Variants in MXRA7 observed in about 807,000 individuals in gnomAD.
MXRA7 encodes the protein matrix remodeling associated 7.
Under a neutral mutation model 17.4 loss-of-function variants are expected in MXRA7, and 18 were observed. The observed-to-expected ratio is 1.03, with a 90% CI of 0.71 to 1.53. MXRA7 has a LOEUF of 1.53. Among genes scored for constraint, MXRA7 ranks in the 40% most tolerant of loss-of-function variants. The pLI is 0.00. For synonymous variants in MXRA7, 70 were observed against 101.7 expected, an observed-to-expected ratio of 0.69 and a Z score of 1.87; for missense variants, 141 against 209.3, an observed-to-expected ratio of 0.67 and a Z score of 2.01.
At chr17:76,688,240 G>T in intron 1 of MXRA7, 64 bp from the exon 2 acceptor site, 1 of 1,604,890 alleles carries the variant, frequency 6.2e-7, no homozygotes, top group Non-Finnish European at 8.5e-7. Flanking sequence ...TGGTGGGGGG[G>T]CAGAAGGTAG....
rs2076300846 is a variant in MXRA7, at chr17:76,681,336, G to A, written c.501-457C>T. Among the ~76,000 whole-genome samples, 1 of 152,106 alleles carries A rather than the reference G, an allele frequency of 6.6e-6. No homozygotes were observed. Among genetic ancestry groups the A allele is most frequent in the Non-Finnish European group, 1.5e-5 (1 of 68,002 alleles). On this transcript the variant is annotated intron_variant, in intron 3 of 3. Coordinates refer to ENST00000449428, the MANE Select transcript of MXRA7 (RefSeq NM_198530.4). This position sits in a 1 kb window ranked among gnomAD's most constrained non-coding sequence, Gnocchi z 4.7. ...TCCAGATGGAGCCAACTGCATGCCC[G>A]TCTTTTATGAACCAAGACACACTGC... is the stretch of plus-strand genomic sequence containing the variant.
Position 76,692,262 on chromosome 17 carries a change from T to TTC in MXRA7, c.343-4087_343-4086insGA, listed in dbSNP as rs1404150608. On this transcript the variant is annotated intron_variant, in intron 1 of 3. Transcript: ENST00000449428. Reference sequence around the variant, plus strand: ...GACTTTGGAAGTCTGATTTTTTCTTTTTTTTTTTTTGAGACAGTTTCACTC... The same window carrying TTC: ...GACTTTGGAAGTCTGATTTTTTCTTTTCTTTTTTTTTTGAGACAGTTTCACTC... Among the ~76,000 whole-genome samples the TTC allele has an allele frequency of 4.4e-3, 669 of 151,736 alleles. 10 individuals are homozygous for TTC. The highest frequency in any genetic ancestry group is 0.016 in the African/African-American group (643 of 41,414).
At chr17:76,684,234 C>T (rs1038346055) in intron 3 of MXRA7, among the ~76,000 whole-genome samples, 7 of 152,184 alleles carry the variant, frequency 4.6e-5, no homozygotes, top group African/African-American at 1.4e-4. Context: ...CCCTCCTGCT[C>T]GGACCCTAGA....
At chr17:76,686,671 G>A (rs1483984551) in intron 2 of MXRA7, among the ~76,000 whole-genome samples, 4 of 152,296 alleles carry the variant, frequency 2.6e-5, no homozygotes, top group Middle Eastern at 6.8e-3. Context: ...AGAATTCAAC[G>A]TGACAGCCTC....
chr17:76,706,143 A>ACTGCCGTCACAGGGGCCCACG (rs2076653158), intron 1 of MXRA7, among the ~76,000 whole-genome samples: 1 of 54,252 alleles, frequency 1.8e-5, no homozygotes, highest in African/African-American at 7.1e-5. Flanking sequence ...AAAGGACCAC[A>ACTGCCGTCACAGGGGCCCACG]CTGCCGTCAC....
intron 1 of MXRA7, among the ~76,000 whole-genome samples, chr17:76,696,797 C>T (rs1264311425): frequency 6.6e-6 from 1 of 152,168 alleles, no homozygotes; most frequent in African/African-American, 2.4e-5. Context: ...GCAATCTCTC[C>T]AGGGTCTCAT....
At chr17:76,708,704 C>T (rs954411073) in intron 1 of MXRA7, among the ~76,000 whole-genome samples, 23 of 152,102 alleles carry the variant, frequency 1.5e-4, no homozygotes, top group Non-Finnish European at 2.2e-4. Flanking sequence ...TATCTGTGTC[C>T]CCACAGCACC....
chr17:76,704,618 C>G (rs1442350450), intron 1 of MXRA7, among the ~76,000 whole-genome samples: 24 of 151,186 alleles, frequency 1.6e-4, no homozygotes, highest in Admixed American at 1.6e-3. Context: ...AACCCCGCCT[C>G]TACTAAAAAT....
At chr17:76,678,109 G>C (rs994793706), downstream of MXRA7, among the ~76,000 whole-genome samples, 2 of 152,184 alleles carry the variant, frequency 1.3e-5, no homozygotes, top group Admixed American at 1.3e-4. Context: ...AACAGCCTTC[G>C]TTGAGAGGAA....
intron 2 of MXRA7, among the ~76,000 whole-genome samples, 184 bp from the exon 3 acceptor site, chr17:76,685,349 C>G (rs1477083762): frequency 6.6e-6 from 1 of 152,206 alleles, no homozygotes; most frequent in Non-Finnish European, 1.5e-5. Flanking sequence ...AATCCTACAA[C>G]GAGACAGCCA....
chr17:76,701,070 G>A (rs1324677722), intron 1 of MXRA7, among the ~76,000 whole-genome samples: 2 of 152,052 alleles, frequency 1.3e-5, no homozygotes, highest in African/African-American at 4.8e-5. Flanking sequence ...ATTGCACGCG[G>A]AGGGCTGTGA....
intron 1 of MXRA7, among the ~76,000 whole-genome samples, chr17:76,709,305 TC>T (rs2143698053): frequency 6.6e-6 from 1 of 151,824 alleles, no homozygotes; most frequent in East Asian, 1.9e-4. Context: ...ACACAACAGA[TC>T]AGCACATGTC....
chr17:76,679,467 G>T, downstream of MXRA7: 1 of 331,234 alleles, frequency 3.0e-6, no homozygotes, highest in Non-Finnish European at 4.3e-6. Flanking sequence ...TTTGTACTCT[G>T]CTGCAGAGTA....
chr17:76,688,544 C>G, intron 1 of MXRA7: 1 of 1,275,342 alleles, frequency 7.8e-7, no homozygotes, highest in Non-Finnish European at 9.9e-7. Context: ...GGAAAGCTGG[C>G]TGGGGTGTCT....
At chr17:76,695,959 G>C (rs997808973) in intron 1 of MXRA7, among the ~76,000 whole-genome samples, 1 of 152,122 alleles carries the variant, frequency 6.6e-6, no homozygotes, top group African/African-American at 2.4e-5. Flanking sequence ...GCTAGGTGTG[G>C]TGGCGGGTGC....
chr17:76,710,834 G>A lies in MXRA7; in HGVS notation c.113C>T (p.Ala38Val). 1.0e-6 allele frequency: 1 copy of A among 960,286 alleles called. No homozygotes were observed. Among genetic ancestry groups the A allele is most frequent in the Non-Finnish European group, 1.2e-6 (1 of 809,832 alleles). 59.5% of individuals were successfully genotyped at this position (960,286 alleles called of 1,614,324 possible). ...GGGCGCGGGTTCCGGGGGCGCGCGG[G>A]CAGGCTCCGGGCTCGCGGCCGCCCC... Reference protein sequence around the residue: ...RRGAAASPEPARAPPEPAPPA... With the variant: ...RRGAAASPEPVRAPPEPAPPA... The change falls in exon 1 of 4, where the codon GCC (alanine) becomes GTC (valine). Residue 38 changes from alanine (A) to valine (V), a missense_variant. By Grantham distance (64) the Ala-to-Val change is moderately conservative (BLOSUM62 0). This residue lies in a region of MXRA7 where 72 missense variants were observed against 111.9 expected (regional missense o/e 0.64). Transcript: ENST00000449428.
intron 1 of MXRA7, among the ~76,000 whole-genome samples, chr17:76,692,174 C>T (rs1003291739): frequency 1.1e-4 from 16 of 149,714 alleles, no homozygotes; most frequent in Non-Finnish European, 2.2e-4. Flanking sequence ...ATGGGGGTGC[C>T]ACTGCATTCC....
chr17:76,677,679 G>T (rs2076252039), downstream of MXRA7: 1 of 1,613,802 alleles, frequency 6.2e-7, no homozygotes, highest in Non-Finnish European at 8.5e-7. Flanking sequence ...CTTGAAGATG[G>T]CAGCCAGCTG....
At chr17:76,684,482 G>A (rs574213841) in intron 3 of MXRA7, among the ~76,000 whole-genome samples, 134 of 152,250 alleles carry the variant, frequency 8.8e-4, no homozygotes, top group African/African-American at 2.7e-3. Context: ...CCCCTTCCCC[G>A]CCCAGCAGGA....
Sources: gnomAD v4.1 joint callset for allele counts (sites outside exome capture counted in the v4.1 genomes callset) on GRCh38, gnomAD v4.1.1 for gene constraint, gnomAD v4.1.1 regional missense constraint, Gnocchi (gnomAD v3.1) non-coding constraint, MANE v1.5 for transcripts, NCBI Gene and HGNC (gene_info 2026-07-23, HGNC 2026-07-21) for gene names.